The following ABL2 variants were observed in gnomAD, a reference collection of about 807,000 sequenced individuals.
The protein encoded by ABL2 is ABL proto-oncogene 2, non-receptor tyrosine kinase.
Under a neutral mutation model 107.7 loss-of-function variants are expected in ABL2, and 49 were observed. The observed-to-expected ratio is 0.45, with a 90% CI of 0.36 to 0.58. The LOEUF is 0.58. Among genes scored for constraint, ABL2 ranks in the 20% least tolerant of loss-of-function variants. ABL2 has a pLI of 0.00. For missense variants in ABL2, 1,245 were observed against 1,457.0 expected (o/e 0.85, Z 2.37); for synonymous variants, 549 against 548.6 (o/e 1.00, Z -0.01).
intron 1 of ABL2, among the ~76,000 whole-genome samples, chr1:179,151,685 T>TC (rs1557958472): frequency 2.6e-5 from 4 of 152,250 alleles, no homozygotes; most frequent in South Asian, 4.1e-4. Flanking sequence ...AACTTTTTTT[T>TC]CATAACCATT....
intron 1 of ABL2, among the ~76,000 whole-genome samples, chr1:179,177,045 T>C (rs2102788797): frequency 6.6e-6 from 1 of 152,226 alleles, no homozygotes; most frequent in African/African-American, 2.4e-5. Context: ...GAGGTACACT[T>C]CTTTTTTGAA....
chr1:179,129,154 T>C (rs1557934093), intron 3 of ABL2, among the ~76,000 whole-genome samples: 1 of 152,332 alleles, frequency 6.6e-6, no homozygotes, highest in East Asian at 1.9e-4. Context: ...TGGCATTCTG[T>C]GGATTTTAAG....
chr1:179,120,548 C>T (rs1420242405), intron 5 of ABL2, among the ~76,000 whole-genome samples: 1 of 152,228 alleles, frequency 6.6e-6, no homozygotes, highest in South Asian at 2.1e-4. Context: ...GCTCAGCCTC[C>T]CAAGTAGCTG....
chr1:179,158,504 A>G (rs1029098901), intron 1 of ABL2, among the ~76,000 whole-genome samples: 1 of 152,164 alleles, frequency 6.6e-6, no homozygotes, highest in African/African-American at 2.4e-5. Context: ...GACTATCACA[A>G]CCAGAAAGTT....
At chr1:179,135,330 G>A (rs1260115895) in intron 1 of ABL2, among the ~76,000 whole-genome samples, 7 of 150,930 alleles carry the variant, frequency 4.6e-5, no homozygotes, top group Middle Eastern at 3.4e-3. Flanking sequence ...AGTGAGGAGC[G>A]TCTCTGCCCG....
At chr1:179,205,193 A>T (rs1456755970) in intron 1 of ABL2, among the ~76,000 whole-genome samples, 4 of 151,904 alleles carry the variant, frequency 2.6e-5, no homozygotes, top group Non-Finnish European at 5.9e-5. Flanking sequence ...CACCCAGCTA[A>T]TTTTTGTATT....
chr1:179,148,459 A>T (rs1658155597), intron 1 of ABL2, among the ~76,000 whole-genome samples: 1 of 152,284 alleles, frequency 6.6e-6, no homozygotes, highest in East Asian at 1.9e-4. Context: ...GTGATCAGTG[A>T]TCTTTGATGT....
chr1:179,185,063 T>C (rs777627947), intron 1 of ABL2, among the ~76,000 whole-genome samples: 1 of 152,234 alleles, frequency 6.6e-6, no homozygotes, highest in Non-Finnish European at 1.5e-5. Flanking sequence ...TCTTTTCTCC[T>C]TTCTCTGTAT....
At chr1:179,216,399 G>A (rs888819512) in intron 1 of ABL2, among the ~76,000 whole-genome samples, 3 of 152,118 alleles carry the variant, frequency 2.0e-5, no homozygotes, top group Admixed American at 6.6e-5. Context: ...GCAACCAAGA[G>A]TTTTTGTACA....
At chr1:179,147,197 A>AC (rs1410114842) in intron 1 of ABL2, among the ~76,000 whole-genome samples, 1 of 150,200 alleles carries the variant, frequency 6.7e-6, no homozygotes, top group Non-Finnish European at 1.5e-5. Context: ...AAAAAAAAAA[A>AC]AAAAAAAAAA....
chr1:179,140,678 T>C (rs1657489496), intron 1 of ABL2, among the ~76,000 whole-genome samples: 1 of 152,176 alleles, frequency 6.6e-6, no homozygotes, highest in African/African-American at 2.4e-5. Context: ...GAGGAAAGAA[T>C]ATAAAACAAA....
At position 179,140,375 on chromosome 1, in the gene ABL2, T is replaced by C. The variant is rs148857036; in HGVS notation, c.158-7001A>G. Among the ~76,000 whole-genome samples, 832 of 152,352 alleles carry C rather than the reference T, an allele frequency of 5.5e-3. 8 individuals carry two copies. The highest frequency in any genetic ancestry group is 0.019 in the African/African-American group (784 of 41,588). ...ATTCTCTGATTATTCCATTTTAAAG[T>C]ACATCTATTCTTGATAACACTCTCA... is the stretch of plus-strand genomic sequence containing the variant. On this transcript the variant is annotated intron_variant, in intron 1 of 11. Coordinates refer to ENST00000502732, the MANE Select transcript of ABL2 (RefSeq NM_007314.4).
chr1:179,137,702 A>G (rs1365084011), intron 1 of ABL2: 1 of 152,230 alleles, frequency 6.6e-6, no homozygotes, highest in Non-Finnish European at 1.5e-5. Flanking sequence ...AACTCAGTAT[A>G]TTAAATTTTA....
chr1:179,223,418 A>AAG (rs1662996442), intron 1 of ABL2, among the ~76,000 whole-genome samples: 1 of 151,642 alleles, frequency 6.6e-6, no homozygotes, highest in African/African-American at 2.4e-5. Flanking sequence ...GTCTCAAAAA[A>AAG]AAAAAAAAAC....
At chr1:179,223,717 T>C (rs562917344) in intron 1 of ABL2, among the ~76,000 whole-genome samples, 3 of 151,792 alleles carry the variant, frequency 2.0e-5, no homozygotes, top group African/African-American at 7.2e-5. Context: ...AAAAATGAAG[T>C]TTAGTTCTTA....
Position 179,229,510 on chromosome 1 carries a change from G to GC in ABL2, c.-114dup, listed in dbSNP as rs1663433770. On this transcript the variant is annotated 5_prime_UTR_variant, in exon 1 of 12. Coordinates refer to ENST00000502732, the MANE Select transcript of ABL2 (RefSeq NM_007314.4). Reference sequence around the variant, plus strand: ...TCTCTCCCTCCCAGCCCAGGCCCTGGCCCTGAGTGGCTGGGCCACCGGCGG... The same window carrying GC: ...TCTCTCCCTCCCAGCCCAGGCCCTGGCCCCTGAGTGGCTGGGCCACCGGCGG... 3.3e-6 allele frequency: 4 copies of GC among 1,200,244 alleles called. No individual in the cohort carries two copies. Among genetic ancestry groups the GC allele is most frequent in the Non-Finnish European group, 1.1e-6 (1 of 923,080 alleles). The allele number at this position is 1,200,244 out of a possible 1,614,324, so 74.3% of individuals were successfully genotyped here.
In ABL2 at chr1:179,229,342, G is replaced by C; in HGVS notation, c.56C>G (p.Pro19Arg). ...TGCACTGCTGCCCCGGATCCCGCGG[G>C]GCTGAGGCTGCTGGAGCCCCGGAGC... is the stretch of plus-strand genomic sequence containing the variant. ...GEAPGLQQPQ[P>R]RGIRGSSAAR... Residue 19 changes from proline (P) to arginine (R), a missense_variant, in exon 1 of 12, where the codon CCC (proline) becomes CGC (arginine). This residue lies in a region of ABL2 where 164 missense variants were observed against 143.7 expected (regional missense o/e 1.14). Transcript: ENST00000502732. 6.3e-7 allele frequency: 1 copy of C among 1,583,882 alleles called. No individual in the cohort carries two copies. Among genetic ancestry groups the C allele is most frequent in the East Asian group, 2.4e-5 (1 of 42,330 alleles).
At chr1:179,117,911 G>A (rs28913871) in intron 7 of ABL2, among the ~76,000 whole-genome samples, 2,037 of 150,172 alleles carry the variant, frequency 0.014, 12 homozygotes, top group Non-Finnish European at 0.021. Context: ...CTGAGCTCAA[G>A]AGTTCAGGAC....
chr1:179,175,949 G>C (rs550788715), intron 1 of ABL2, among the ~76,000 whole-genome samples: 3 of 149,416 alleles, frequency 2.0e-5, no homozygotes, highest in Non-Finnish European at 4.4e-5. Flanking sequence ...TCTGTCTCCC[G>C]GGCTCAAGCA....
Sources: gnomAD v4.1 joint callset for allele counts (sites outside exome capture counted in the v4.1 genomes callset) on GRCh38, gnomAD v4.1.1 for gene constraint, gnomAD v4.1.1 regional missense constraint, MANE v1.5 for transcripts, NCBI Gene and HGNC (gene_info 2026-07-23, HGNC 2026-07-21) for gene names.